Variants in RIF1 observed in about 807,000 individuals in gnomAD.
RIF1 encodes replication timing regulatory factor 1, also known as telomere-associated protein RIF1.
Under a neutral mutation model 247.1 loss-of-function variants are expected in RIF1, and 45 were observed. The observed-to-expected ratio is 0.18, with a 90% CI of 0.14 to 0.23. The LOEUF is 0.23. RIF1 is among the 10% of genes least tolerant of loss of function. RIF1 has a pLI of 1.00. For synonymous variants in RIF1, 1,087 were observed against 978.8 expected, an observed-to-expected ratio of 1.11 and a Z score of -2.06; for missense variants, 2,967 against 2,862.5, an observed-to-expected ratio of 1.04 and a Z score of -0.83.
At chr2:151,513,792 G>C in the RIF1 span, 1 of 815,092 alleles carries the variant, frequency 1.2e-6, no homozygotes, top group Non-Finnish European at 2.0e-6. Context: ...CGCCACCCCA[G>C]TTGTCACAGA....
the RIF1 span, chr2:151,526,289 C>A: frequency 6.8e-7 from 1 of 1,460,084 alleles, no homozygotes; most frequent in African/African-American, 1.4e-5. Flanking sequence ...AGGGGCATTT[C>A]TTTAGCTCTG....
chr2:151,456,656 A>G (rs1695241998), intron 23 of RIF1, 36 bp downstream of exon 23: 3 of 1,204,748 alleles, frequency 2.5e-6, no homozygotes, highest in Middle Eastern at 1.9e-4. Flanking sequence ...CCATACTTTC[A>G]TGATGAGAAA....
chr2:151,448,039 CT>C (rs1248090579), intron 20 of RIF1, among the ~76,000 whole-genome samples: 45 of 146,552 alleles, frequency 3.1e-4, no homozygotes, highest in South Asian at 4.3e-4. Context: ...AATAACAGTT[CT>C]TTTTTTTTTT....
At chr2:151,510,368 C>T (rs918450463), downstream of RIF1, among the ~76,000 whole-genome samples, 1 of 152,246 alleles carries the variant, frequency 6.6e-6, no homozygotes, top group Non-Finnish European at 1.5e-5. Flanking sequence ...GCTTTTGTTA[C>T]ATCCCAGCCT....
chr2:151,433,900 G>T (rs1056311578), intron 10 of RIF1, among the ~76,000 whole-genome samples: 2 of 152,004 alleles, frequency 1.3e-5, no homozygotes, highest in Non-Finnish European at 2.9e-5. Context: ...AGCCGGGCGC[G>T]GTGACTCATG....
At chr2:151,507,409 T>G (rs983802756) in intron 13 of RIF1, among the ~76,000 whole-genome samples, 2 of 152,328 alleles carry the variant, frequency 1.3e-5, no homozygotes, top group East Asian at 1.9e-4. Context: ...TTTTCTGGCC[T>G]TCTCTGTTTT....
chr2:151,431,714 G>A (rs899711938), intron 9 of RIF1, among the ~76,000 whole-genome samples: 1 of 152,134 alleles, frequency 6.6e-6, no homozygotes, highest in African/African-American at 2.4e-5. Context: ...GGAGGAGGAG[G>A]CTGCAGTGAG....
At chr2:151,469,587 C>T (rs1483271501) in intron 33 of RIF1, 124 bp from the exon 34 acceptor site, 1 of 673,994 alleles carries the variant, frequency 1.5e-6, no homozygotes, top group African/African-American at 1.9e-5. Context: ...ATGTGCCTGT[C>T]TTCACTGTGG....
Position 151,468,136 on chromosome 2 carries a change from C to T in RIF1, c.6737C>T (p.Thr2246Ile). ...AAAAGTGTTAAAACTTCTCCTACTA[C>T]ACAATCTAAGGTAAGCTATAGGCTT... Reference protein sequence around the residue: ...IGKSVKTSPTTQSKHNTTSAK... With the variant: ...IGKSVKTSPTIQSKHNTTSAK... Residue 2246 changes from threonine (T) to isoleucine (I), a missense_variant, in exon 31 of 36, where the codon ACA becomes ATA. Physicochemically the swap from Thr to Ile is moderately conservative, Grantham distance 89. Coordinates refer to ENST00000444746, the MANE Select transcript of RIF1 (RefSeq NM_018151.5). 6.2e-7 allele frequency: 1 copy of T among 1,611,598 alleles called. No homozygotes were observed. Among genetic ancestry groups the T allele is most frequent in the Non-Finnish European group, 8.5e-7 (1 of 1,178,200 alleles).
At chr2:151,491,359 CTT>C (rs2056503634) in intron 9 of RIF1, 1 of 235,888 alleles carries the variant, frequency 4.2e-6, no homozygotes, top group Non-Finnish European at 8.5e-6. Flanking sequence ...AGGTCAAATC[CTT>C]TCTCTTCCCT....
In RIF1 at chr2:151,493,971, G is replaced by A. The variant is rs550991910; in HGVS notation, c.*416-1258G>A. The A allele has an allele frequency of 1.3e-4, 118 of 913,824 alleles. 2 individuals carry two copies. In the South Asian group the frequency reaches 2.0e-3, roughly 15 times the overall value. The allele number at this position is 913,824 out of a possible 1,614,324, so 56.6% of individuals were successfully genotyped here. On this transcript the variant is annotated intron_variant and NMD_transcript_variant, in intron 9 of 13. Coordinates refer to the RIF1 transcript ENST00000454583. ...TGTTATGTTTAATCTATTACTATTA[G>A]TGAGAACACCTCTCAAGAAGAAAGC...
intron 9 of RIF1, among the ~76,000 whole-genome samples, chr2:151,429,562 A>G (rs1295179707): frequency 1.3e-5 from 2 of 152,222 alleles, no homozygotes; most frequent in Non-Finnish European, 2.9e-5. Flanking sequence ...TAGACCTGAG[A>G]TGTAATTATT....
In RIF1 at chr2:151,466,950, C is replaced by T. The variant is rs544998151; in HGVS notation, c.6600+830C>T. Among the ~76,000 whole-genome samples, 5 of 152,254 alleles carry T rather than the reference C, an allele frequency of 3.3e-5. No homozygotes were observed. The South Asian group carries it at 8.3e-4, about 25-fold the overall frequency. On this transcript the variant is annotated intron_variant, in intron 30 of 35. Coordinates refer to ENST00000444746, the MANE Select transcript of RIF1 (RefSeq NM_018151.5). ...TTGAAAGTATTCCTTTGGCCAGGCT[C>T]GGTAGCTCACACCTGTAATCCCAGG...
intron 9 of RIF1, chr2:151,494,337 G>C (rs557903450): frequency 1.1e-6 from 1 of 946,014 alleles, no homozygotes; most frequent in Admixed American, 2.5e-5. Context: ...GATAACTTTT[G>C]ATTATCTTTA....
At chr2:151,448,847 G>A (rs189371554) in intron 20 of RIF1, among the ~76,000 whole-genome samples, 98 of 152,240 alleles carry the variant, frequency 6.4e-4, no homozygotes, top group Non-Finnish European at 1.1e-3. Context: ...ATAACTGATC[G>A]GAAGAAGGTT....
At chr2:151,418,681 C>T (rs1453739913) in intron 6 of RIF1, among the ~76,000 whole-genome samples, 1 of 152,040 alleles carries the variant, frequency 6.6e-6, no homozygotes, top group Non-Finnish European at 1.5e-5. Flanking sequence ...TTGAGAGCAG[C>T]CTGGCCAACA....
intron 8 of RIF1, chr2:151,423,506 T>C (rs932803080): frequency 3.2e-5 from 5 of 155,288 alleles, no homozygotes; most frequent in African/African-American, 1.2e-4. Flanking sequence ...AAATAAACTT[T>C]GTTCAGGCAT....
At chr2:151,460,619 C>G (rs550563107) in intron 26 of RIF1, among the ~76,000 whole-genome samples, 2 of 152,284 alleles carry the variant, frequency 1.3e-5, no homozygotes, top group Admixed American at 1.3e-4. Context: ...ATTCTAGAAT[C>G]TTGAGACCAT....
chr2:151,486,084 C>A (rs569523954), downstream of RIF1, among the ~76,000 whole-genome samples: 1 of 152,206 alleles, frequency 6.6e-6, no homozygotes, highest in East Asian at 1.9e-4. Context: ...AAGGAACCCA[C>A]AAAATAGGAA....
Sources: gnomAD v4.1 joint callset for allele counts (sites outside exome capture counted in the v4.1 genomes callset) on GRCh38, gnomAD v4.1.1 for gene constraint, MANE v1.5 for transcripts, NCBI Gene and HGNC (gene_info 2026-07-23, HGNC 2026-07-21) for gene names.